The following CNTN6 variants were observed in gnomAD, a reference collection of about 807,000 sequenced individuals.
The protein encoded by CNTN6 is contactin 6, also known as contactin-6.
Under a neutral mutation model 122.8 loss-of-function variants are expected in CNTN6, and 137 were observed. That is an observed-to-expected ratio of 1.12 (90% CI 0.97 to 1.29). The LOEUF is 1.29. Among genes scored for constraint, CNTN6 ranks in the 50% most tolerant of loss-of-function variants. CNTN6 has a pLI of 0.00. For missense variants in CNTN6, 1,634 were observed against 1,223.4 expected (o/e 1.34, Z -5.01); for synonymous variants, 570 against 426.0 (o/e 1.34, Z -4.16).
At position 1,102,537 on chromosome 3, in the gene CNTN6, T is replaced by C. The variant is rs554045630; in HGVS notation, c.-83+9417T>C. Among the ~76,000 whole-genome samples the C allele has an allele frequency of 7.9e-5, 12 of 151,302 alleles. No individual in the cohort carries two copies. The East Asian group carries it at 9.8e-4, about 12-fold the overall frequency. On this transcript the variant is annotated intron_variant, in intron 1 of 22. Transcript: ENST00000446702. ...CCAGGTCAGGAGATCGAGACCATCC[T>C]GGCTAACACGGTGAAACCCCGTCTC... is the stretch of plus-strand genomic sequence containing the variant.
chr3:1,144,591 T>A (rs2092683837), intron 1 of CNTN6, among the ~76,000 whole-genome samples: 1 of 113,886 alleles, frequency 8.8e-6, no homozygotes, highest in African/African-American at 3.9e-5. Flanking sequence ...AAAATAATAA[T>A]AATAAAAAAT....
chr3:1,397,787 A>G (rs1445688776), intron 20 of CNTN6, among the ~76,000 whole-genome samples: 2 of 152,154 alleles, frequency 1.3e-5, no homozygotes, highest in Non-Finnish European at 2.9e-5. Context: ...ATCAATCCAT[A>G]TTTAAACATA....
chr3:1,153,708 T>C (rs1310130237), intron 2 of CNTN6, among the ~76,000 whole-genome samples: 1 of 152,144 alleles, frequency 6.6e-6, no homozygotes, highest in Non-Finnish European at 1.5e-5. Context: ...AACATAGCCT[T>C]TTATTGAATT....
intron 12 of CNTN6, among the ~76,000 whole-genome samples, chr3:1,364,146 A>G (rs1198547721): frequency 6.6e-6 from 1 of 151,976 alleles, no homozygotes; most frequent in Non-Finnish European, 1.5e-5. Context: ...GAAAGGACTA[A>G]TATCTTAATA....
intron 7 of CNTN6, among the ~76,000 whole-genome samples, chr3:1,310,291 C>G (rs1303871835): frequency 6.6e-6 from 1 of 152,098 alleles, no homozygotes; most frequent in Non-Finnish European, 1.5e-5. Flanking sequence ...GGGGAGCTTC[C>G]TCTCCATTCC....
intron 2 of CNTN6, among the ~76,000 whole-genome samples, chr3:1,185,649 A>C (rs1467052191): frequency 6.6e-6 from 1 of 152,220 alleles, no homozygotes; most frequent in Non-Finnish European, 1.5e-5. Flanking sequence ...ATGACACAAT[A>C]AATATTATGT....
intron 12 of CNTN6, among the ~76,000 whole-genome samples, chr3:1,357,896 A>G (rs1706839193): frequency 6.8e-6 from 1 of 147,728 alleles, no homozygotes; most frequent in Non-Finnish European, 1.5e-5. Context: ...TTTACATATA[A>G]TAAAATACAT....
intron 2 of CNTN6, among the ~76,000 whole-genome samples, chr3:1,168,089 G>A (rs1188976407): frequency 6.6e-6 from 1 of 151,808 alleles, no homozygotes; most frequent in East Asian, 1.9e-4. Context: ...TGTATTTTTA[G>A]TAGAGAGGGA....
At position 1,153,035 on chromosome 3, in the gene CNTN6, A is replaced by G. The variant is rs149629279; in HGVS notation, c.55+4972A>G. Among the ~76,000 whole-genome samples the G allele has an allele frequency of 3.1e-3, 471 of 152,342 alleles. 2 individuals are homozygous for G. The highest frequency in any genetic ancestry group is 0.011 in the African/African-American group (444 of 41,568). On this transcript the variant is annotated intron_variant, in intron 2 of 22. Coordinates refer to ENST00000446702, the MANE Select transcript of CNTN6 (RefSeq NM_001289080.2). ...ATTTTAACTAAGTACTACTATTTAA[A>G]TGGTAGTTTATAAAACATTCACTTG... is the stretch of plus-strand genomic sequence containing the variant.
intron 11 of CNTN6, among the ~76,000 whole-genome samples, chr3:1,332,855 T>G (rs3772295): frequency 0.24 from 36,428 of 151,890 alleles, 4,885 homozygotes; most frequent in African/African-American, 0.37. Context: ...AATTCTTTTT[T>G]CCCTGATCAG....
chr3:1,291,311 G>A lies in CNTN6; in HGVS notation c.455-4290G>A, dbSNP rs550152511. Among the ~76,000 whole-genome samples the A allele has an allele frequency of 1.1e-4, 16 of 152,214 alleles. 1 individual carries two copies. The South Asian group carries it at 2.5e-3, about 24-fold the overall frequency. On this transcript the variant is annotated intron_variant, in intron 5 of 22. Coordinates refer to ENST00000446702, the MANE Select transcript of CNTN6 (RefSeq NM_001289080.2). ...AGCTTCTAAATATCTCACTATTAAA[G>A]AAGGACACACCACATGTAGGAATAG... is the stretch of plus-strand genomic sequence containing the variant.
chr3:1,121,330 C>G (rs182152163), intron 1 of CNTN6, among the ~76,000 whole-genome samples: 19 of 151,920 alleles, frequency 1.3e-4, no homozygotes, highest in African/African-American at 4.3e-4. Context: ...AATTGAATCT[C>G]TTATTTATAA....
chr3:1,317,812 A>C (rs1292735724), intron 7 of CNTN6, among the ~76,000 whole-genome samples: 1 of 151,386 alleles, frequency 6.6e-6, no homozygotes, highest in Non-Finnish European at 1.5e-5. Context: ...CTCTCACCTA[A>C]TGCCAGAGGT....
At chr3:1,152,865 T>G (rs1271099629) in intron 2 of CNTN6, among the ~76,000 whole-genome samples, 2 of 152,190 alleles carry the variant, frequency 1.3e-5, no homozygotes, top group African/African-American at 2.4e-5. Context: ...AAGAAGAGTG[T>G]CAGTGAGTGT....
At chr3:1,284,792 GAC>G (rs1694063664) in intron 5 of CNTN6, among the ~76,000 whole-genome samples, 1 of 152,174 alleles carries the variant, frequency 6.6e-6, no homozygotes, top group South Asian at 2.1e-4. Context: ...GAGGGAGTGA[GAC>G]ACATTAAGTA....
intron 4 of CNTN6, among the ~76,000 whole-genome samples, chr3:1,238,244 A>C (rs914912119): frequency 1.3e-5 from 2 of 152,174 alleles, no homozygotes; most frequent in Admixed American, 6.5e-5. Flanking sequence ...GGGGTGGAAA[A>C]AGATATTCCG....
chr3:1,359,573 A>G (rs1408899935), intron 12 of CNTN6, among the ~76,000 whole-genome samples: 1 of 152,088 alleles, frequency 6.6e-6, no homozygotes, highest in Non-Finnish European at 1.5e-5. Flanking sequence ...TACTTTATGC[A>G]TTGAAATTAA....
At chr3:1,196,434 A>G (rs185769312) in intron 2 of CNTN6, among the ~76,000 whole-genome samples, 43 of 152,320 alleles carry the variant, frequency 2.8e-4, no homozygotes, top group African/African-American at 1.0e-3. Context: ...CCTTCTTTTC[A>G]GATCCATAAG....
intron 2 of CNTN6, among the ~76,000 whole-genome samples, chr3:1,196,493 T>C (rs907464561): frequency 1.3e-5 from 2 of 152,210 alleles, no homozygotes; most frequent in Admixed American, 1.3e-4. Flanking sequence ...CATCTCCTGC[T>C]GTATGCTTGG....
Sources: allele counts gnomAD v4.1 joint callset (sites outside exome capture counted in the v4.1 genomes callset), GRCh38; gene constraint gnomAD v4.1.1; transcripts MANE v1.5; gene names NCBI Gene and HGNC (gene_info 2026-07-23, HGNC 2026-07-21).